AKAP12: variants seen among roughly 807,000 people sequenced by gnomAD.
AKAP12 encodes the protein A-kinase anchor protein 12.
Under a neutral mutation model 79.9 loss-of-function variants are expected in AKAP12, and 32 were observed. That is an observed-to-expected ratio of 0.40 (90% CI 0.30 to 0.54). AKAP12 has a LOEUF of 0.54. Among genes scored for constraint, AKAP12 ranks in the 20% least tolerant of loss-of-function variants. The probability of loss-of-function intolerance (pLI) is 0.48; values close to 1 mark genes in which losing one functional copy is unlikely to be tolerated. For synonymous variants in AKAP12, 808 were observed against 857.0 expected (o/e 0.94, Z 1.00); for missense variants, 2,074 against 2,177.0 (o/e 0.95, Z 0.94).
intron 3 of AKAP12, among the ~76,000 whole-genome samples, chr6:151,323,180 G>A (rs1777440351): frequency 6.6e-6 from 1 of 152,196 alleles, no homozygotes; most frequent in Admixed American, 6.5e-5. Flanking sequence ...GATCAAAGGA[G>A]ACCCATTGGC....
Position 151,334,660 on chromosome 6 carries a change from C to T in AKAP12, c.320-14051C>T, listed in dbSNP as rs577927952. ...TCTTTGAGACGGAGTCTTGCTCTGT[C>T]GCCCAGGCTGGAGTGCAGTGGCGCG... is the stretch of plus-strand genomic sequence containing the variant. On this transcript the variant is annotated intron_variant, in intron 3 of 4. Transcript: ENST00000402676. 1.6e-3 allele frequency among the ~76,000 whole-genome samples: 241 copies of T among 148,970 alleles called. 2 individuals carry two copies. Among genetic ancestry groups the T allele is most frequent in the Middle Eastern group, 0.01 (3 of 292 alleles).
rs540801822 is a variant in AKAP12 at position 151,261,483 on chromosome 6, G to A, written c.162+20759G>A. On this transcript the variant is annotated intron_variant, in intron 2 of 4. Transcript: ENST00000402676. ...AGGCGGGTGGATCAACTGAGGTCGG[G>A]AGTTCGAGACCACGCAAAAATACAA... Among the ~76,000 whole-genome samples, 789 of 152,090 alleles carry A rather than the reference G, an allele frequency of 5.2e-3. 7 individuals are homozygous for A. The highest frequency in any genetic ancestry group is 8.0e-3 in the Non-Finnish European group (547 of 67,998).
At chr6:151,328,059 G>A (rs1777572196) in intron 3 of AKAP12, among the ~76,000 whole-genome samples, 1 of 152,172 alleles carries the variant, frequency 6.6e-6, no homozygotes, top group South Asian at 2.1e-4. Context: ...CGGGCGCGGT[G>A]GCTCACGCCT....
In AKAP12 at chr6:151,325,074, G is replaced by C. The variant is rs112742313; in HGVS notation, c.319+19171G>C. 6.1e-6 allele frequency: 6 copies of C among 985,468 alleles called. No individual in the cohort carries two copies. The African/African-American group carries it at 8.7e-5, about 14-fold the overall frequency. 61.0% of individuals were successfully genotyped at this position (985,468 alleles called of 1,614,324 possible). A position where few individuals can be genotyped will look rare whatever the true frequency, so the allele number is the denominator to read the frequency against. Reference sequence around the variant, plus strand: ...TGGTCAAGTGTTGAAGACAGCACTTGTTAGAAGGAACAAGTTCACTTCTGA... The same window carrying C: ...TGGTCAAGTGTTGAAGACAGCACTTCTTAGAAGGAACAAGTTCACTTCTGA... On this transcript the variant is annotated intron_variant, in intron 3 of 4. Coordinates refer to ENST00000402676, the MANE Select transcript of AKAP12 (RefSeq NM_005100.4).
intron 3 of AKAP12, among the ~76,000 whole-genome samples, chr6:151,319,443 G>GTCTATCTATCTATCTATCTATCTA (rs59954289): frequency 1.4e-5 from 2 of 140,262 alleles, no homozygotes; most frequent in East Asian, 2.2e-4. Context: ...ACAGGTGTCT[G>GTCTATCTATCTATCTATCTATCTA]TCTATCTATC....
chr6:151,339,390 T>C (rs1777892793), intron 3 of AKAP12, among the ~76,000 whole-genome samples: 1 of 152,348 alleles, frequency 6.6e-6, no homozygotes, highest in Admixed American at 6.5e-5. Context: ...CTATATGACG[T>C]TGGTCAAGTC....
chr6:151,250,757 C>T (rs1433571007), intron 2 of AKAP12, among the ~76,000 whole-genome samples: 5 of 151,682 alleles, frequency 3.3e-5, no homozygotes, highest in African/African-American at 4.8e-5. Flanking sequence ...AGGCGCCCGC[C>T]ACCACGCCCG....
intron 2 of AKAP12, among the ~76,000 whole-genome samples, chr6:151,286,866 C>T (rs1003354426): frequency 6.6e-6 from 1 of 152,158 alleles, no homozygotes; most frequent in Non-Finnish European, 1.5e-5. Context: ...AGAACCAAAG[C>T]TACTGCTGTT....
intron 2 of AKAP12, among the ~76,000 whole-genome samples, chr6:151,263,330 T>C (rs1797474748): frequency 6.6e-6 from 1 of 151,814 alleles, no homozygotes; most frequent in Non-Finnish European, 1.5e-5. Flanking sequence ...TCACCACTTC[T>C]GGGCCTTAAT....
At position 151,351,182 on chromosome 6, in the gene AKAP12, C is replaced by T. The variant is rs777197490; in HGVS notation, c.2791C>T (p.Leu931=). 1 of 1,614,232 alleles carries T rather than the reference C, an allele frequency of 6.2e-7. No homozygotes were observed. The highest frequency in any genetic ancestry group is 2.2e-5 in the East Asian group (1 of 44,882). The change falls in exon 4 of 5, where the codon CTG becomes TTG. Residue 931 remains leucine (L), a synonymous_variant. Coordinates refer to ENST00000402676, the MANE Select transcript of AKAP12 (RefSeq NM_005100.4). The surrounding 1 kb of genome is among the most constrained non-coding windows in gnomAD (Gnocchi z 4.4). ...TGAACAAGTAGAAGCTGAAGCCGCA[C>T]TGTTAACTGAGGAGGTATTGGAAAG... ...PLEQVEAEAA[L]LTEEVLEREV...
At position 151,351,119 on chromosome 6, in the gene AKAP12, T is replaced by C; in HGVS notation, c.2728T>C (p.Ser910Pro). The C allele has an allele frequency of 1.2e-6, 2 of 1,613,970 alleles. No individual in the cohort carries two copies. The highest frequency in any genetic ancestry group is 1.7e-6 in the Non-Finnish European group (2 of 1,180,006). ...GGCAGCTACCATTATTGAAGAAAGG[T>C]CTCCTTCTTGGATATCTGCTTCAGT... is the stretch of plus-strand genomic sequence containing the variant. ...TRAATIIEER[S>P]PSWISASVTE... is the part of the protein sequence containing the mutation. The change falls in exon 4 of 5, where the codon TCT becomes CCT. Residue 910 changes from serine (S) to proline (P), a missense_variant. Ser to Pro is a moderately conservative substitution (Grantham distance 74, BLOSUM62 -1). This residue lies in a region of AKAP12 where 1,428 missense variants were observed against 1,451.0 expected (regional missense o/e 0.98). Transcript: ENST00000402676. The surrounding 1 kb of genome is among the most constrained non-coding windows in gnomAD (Gnocchi z 4.4).
chr6:151,353,934 CCAT>C (rs779652184), intron 4 of AKAP12, among the ~76,000 whole-genome samples, 182 bp downstream of exon 4: 12 of 152,006 alleles, frequency 7.9e-5, no homozygotes, highest in Non-Finnish European at 1.5e-4. Context: ...GATTGAAATG[CCAT>C]TTAGTCTTAT....
intron 2 of AKAP12, among the ~76,000 whole-genome samples, chr6:151,247,542 A>T (rs1797098432): frequency 6.6e-6 from 1 of 152,252 alleles, no homozygotes; most frequent in Admixed American, 6.5e-5. Context: ...TTCCTTTCCA[A>T]ATTAATGAAC....
chr6:151,279,595 T>A (rs1401574570), intron 2 of AKAP12, among the ~76,000 whole-genome samples: 1 of 152,098 alleles, frequency 6.6e-6, no homozygotes, highest in Non-Finnish European at 1.5e-5. Flanking sequence ...CTATAACATT[T>A]TAAAAATTTA....
chr6:151,267,545 C>T (rs893730427), intron 2 of AKAP12, among the ~76,000 whole-genome samples: 34 of 152,158 alleles, frequency 2.2e-4, no homozygotes, highest in Admixed American at 3.3e-4. Flanking sequence ...CCCTGGCCAA[C>T]AGAGAGAGGG....
intron 2 of AKAP12, among the ~76,000 whole-genome samples, chr6:151,260,196 A>G (rs1459903765): frequency 1.3e-5 from 2 of 152,152 alleles, no homozygotes; most frequent in Non-Finnish European, 2.9e-5. Context: ...TACACATGCT[A>G]TTCCCTATGT....
intron 3 of AKAP12, among the ~76,000 whole-genome samples, chr6:151,320,311 G>A (rs566302881): frequency 5.9e-5 from 9 of 151,780 alleles, no homozygotes; most frequent in Admixed American, 5.3e-4. Flanking sequence ...ATAGAGATGG[G>A]ATCTTGCTGT....
At chr6:151,320,721 T>A (rs569109497) in intron 3 of AKAP12, among the ~76,000 whole-genome samples, 1 of 152,256 alleles carries the variant, frequency 6.6e-6, no homozygotes, top group Admixed American at 6.5e-5. Flanking sequence ...AGTCTCTTCC[T>A]CCCGTCATCA....
At chr6:151,287,413 A>C (rs558298150) in intron 2 of AKAP12, among the ~76,000 whole-genome samples, 2 of 152,140 alleles carry the variant, frequency 1.3e-5, no homozygotes, top group East Asian at 1.9e-4. Context: ...GACACAAGTC[A>C]GCACGCCCAG....
Sources: gnomAD v4.1 joint callset for allele counts (sites outside exome capture counted in the v4.1 genomes callset) on GRCh38, gnomAD v4.1.1 for gene constraint, gnomAD v4.1.1 regional missense constraint, Gnocchi (gnomAD v3.1) non-coding constraint, MANE v1.5 for transcripts, NCBI Gene and HGNC (gene_info 2026-07-23, HGNC 2026-07-21) for gene names.